Variants in KCNQ1 observed in about 807,000 individuals in gnomAD.
KCNQ1 encodes the protein potassium voltage-gated channel subfamily KQT member 1.
A neutral mutation model predicts 72.4 loss-of-function variants in KCNQ1; 49 were observed. That is an observed-to-expected ratio of 0.68 (90% confidence interval 0.54 to 0.86). KCNQ1 has a LOEUF of 0.86. KCNQ1 is among the 40% of genes least tolerant of loss of function. The pLI is 0.00. For synonymous variants in KCNQ1, 450 were observed against 412.6 expected, an observed-to-expected ratio of 1.09 and a Z score of -1.10; for missense variants, 790 against 945.1, an observed-to-expected ratio of 0.84 and a Z score of 2.15.
chr11:2,672,075 C>G (rs1027937266), intron 11 of KCNQ1: 3 of 398,598 alleles, frequency 7.5e-6, no homozygotes, highest in Admixed American at 4.4e-5. Context: ...GGTCCCTGGT[C>G]TGGACTGAGC....
chr11:2,699,877 C>CG (rs1850763672), intron 11 of KCNQ1: 1 of 396,564 alleles, frequency 2.5e-6, no homozygotes, highest in African/African-American at 2.1e-5. Flanking sequence ...TGCTGAGGAG[C>CG]CCCGGGGAGG....
chr11:2,461,773 G>A, intron 1 of KCNQ1: 3 of 1,325,640 alleles, frequency 2.3e-6, no homozygotes, highest in Non-Finnish European at 3.0e-6. Context: ...TGGATGGGGG[G>A]CTGAATTGTG....
At chr11:2,675,022 TGCCAGA>T (rs1410727688) in intron 11 of KCNQ1, 4 of 398,596 alleles carry the variant, frequency 1.0e-5, no homozygotes, top group Non-Finnish European at 1.8e-5. Flanking sequence ...CTGACTTCTC[TGCCAGA>T]GCCCAGGTGG....
At chr11:2,459,781 G>C (rs542893100) in intron 1 of KCNQ1, among the ~76,000 whole-genome samples, 1 of 152,060 alleles carries the variant, frequency 6.6e-6, no homozygotes, top group African/African-American at 2.4e-5. Flanking sequence ...GAATGGAGTC[G>C]TGAAATCAGG....
Position 2,507,763 on chromosome 11 carries a change from G to A in KCNQ1, c.387-20165G>A, listed in dbSNP as rs1847128444. 6.6e-6 allele frequency among the ~76,000 whole-genome samples: 1 copy of A among 152,056 alleles called. No homozygotes were observed. The highest frequency in any genetic ancestry group is 2.4e-5 in the African/African-American group (1 of 41,380). ...TGACATGAGCGCAGGGGCTAGACAG[G>A]GCCTCCTGTAGCCTGGGTGGGTGGA... On this transcript the variant is annotated intron_variant, in intron 1 of 15. Coordinates refer to ENST00000155840, the MANE Select transcript of KCNQ1 (RefSeq NM_000218.3). The surrounding 1 kb of genome is among the most constrained non-coding windows in gnomAD (Gnocchi z 5.4).
chr11:2,670,744 G>A lies in KCNQ1; in HGVS notation c.1514+8663G>A, dbSNP rs1178162096. On this transcript the variant is annotated intron_variant, in intron 11 of 15. Coordinates refer to ENST00000155840, the MANE Select transcript of KCNQ1 (RefSeq NM_000218.3). This position sits in a 1 kb window ranked among gnomAD's most constrained non-coding sequence, Gnocchi z 4.9. ...AGGGAACAGTCTGCAGATATTATCT[G>A]GGCACTGGCCAGTGGCTCTTGTGGC... The A allele has an allele frequency of 1.0e-5, 4 of 398,410 alleles. No individual in the cohort carries two copies. The highest frequency in any genetic ancestry group is 1.8e-5 in the Non-Finnish European group (4 of 226,066). 24.7% of individuals were successfully genotyped at this position (398,410 alleles called of 1,614,324 possible). A position where few individuals can be genotyped will look rare whatever the true frequency, so the allele number is the denominator to read the frequency against.
chr11:2,693,044 G>C (rs1354108483), intron 11 of KCNQ1: 1 of 398,526 alleles, frequency 2.5e-6, no homozygotes, highest in East Asian at 3.6e-5. Context: ...TCTGGAGCAG[G>C]GGGAGAGAAA....
At chr11:2,706,392 G>C (rs1393988490) in intron 11 of KCNQ1, among the ~76,000 whole-genome samples, 7 of 152,190 alleles carry the variant, frequency 4.6e-5, no homozygotes, top group African/African-American at 1.7e-4. Flanking sequence ...TATGAGCTTG[G>C]GAGTGGATCC....
At position 2,600,269 on chromosome 11, in the gene KCNQ1, T is replaced by C. The variant is rs991643210; in HGVS notation, c.1393+11415T>C. Among the ~76,000 whole-genome samples, 1 of 152,216 alleles carries C rather than the reference T, an allele frequency of 6.6e-6. No individual in the cohort carries two copies. Among genetic ancestry groups the C allele is most frequent in the Non-Finnish European group, 1.5e-5 (1 of 68,038 alleles). On this transcript the variant is annotated intron_variant, in intron 10 of 15. Coordinates refer to ENST00000155840, the MANE Select transcript of KCNQ1 (RefSeq NM_000218.3). This position sits in a 1 kb window ranked among gnomAD's most constrained non-coding sequence, Gnocchi z 5.6. ...CCCTGGAGGGCAAAATTGCCCCCAG[T>C]TGTGACCTGCTGAGCTAAAGCAGTC...
At position 2,723,652 on chromosome 11, in the gene KCNQ1, C is replaced by T. The variant is rs935447038; in HGVS notation, c.1515-45192C>T. Among the ~76,000 whole-genome samples, 3 of 152,228 alleles carry T rather than the reference C, an allele frequency of 2.0e-5. No homozygotes were observed. The highest frequency in any genetic ancestry group is 4.8e-5 in the African/African-American group (2 of 41,462). On this transcript the variant is annotated intron_variant, in intron 11 of 15. Coordinates refer to ENST00000155840, the MANE Select transcript of KCNQ1 (RefSeq NM_000218.3). This position sits in a 1 kb window ranked among gnomAD's most constrained non-coding sequence, Gnocchi z 4.2. ...ACAGCCTCGAATCCCTCACACCTAG[C>T]GGTTGGCTGGGCAGGTGGACTGGTC...
In KCNQ1 at chr11:2,550,232, G is replaced by A. The variant is rs116214095; in HGVS notation, c.478-20396G>A. Among the ~76,000 whole-genome samples, 1,295 of 152,340 alleles carry A rather than the reference G, an allele frequency of 8.5e-3. 16 individuals carry two copies. Among genetic ancestry groups the A allele is most frequent in the African/African-American group, 0.025 (1,059 of 41,580 alleles). ...GTTGCCGGGACTGGGCCGTGTGCCTGGAGTTTGAACTTTTCTGATCACGGG... is the reference window on the plus strand; with the variant it reads ...GTTGCCGGGACTGGGCCGTGTGCCTAGAGTTTGAACTTTTCTGATCACGGG... On this transcript the variant is annotated intron_variant, in intron 2 of 15. Coordinates refer to ENST00000155840, the MANE Select transcript of KCNQ1 (RefSeq NM_000218.3). This position sits in a 1 kb window ranked among gnomAD's most constrained non-coding sequence, Gnocchi z 6.0.
Position 2,661,866 on chromosome 11 carries a change from T to TCCTCA in KCNQ1, c.1394-91_1394-87dup. ...TGGAGCTTCCAGGCACAAGCTCCAC[T>TCCTCA]CCTCACCTGGCCCTGGGAGCTCACA... On this transcript the variant is annotated intron_variant, in intron 10 of 15. Coordinates refer to ENST00000155840, the MANE Select transcript of KCNQ1 (RefSeq NM_000218.3). This position sits in a 1 kb window ranked among gnomAD's most constrained non-coding sequence, Gnocchi z 5.9. 6.7e-7 allele frequency: 1 copy of TCCTCA among 1,498,464 alleles called. No homozygotes were observed. Among genetic ancestry groups the TCCTCA allele is most frequent in the Non-Finnish European group, 9.3e-7 (1 of 1,078,356 alleles). The allele number at this position is 1,498,464 out of a possible 1,614,324, so 92.8% of individuals were successfully genotyped here. A position where few individuals can be genotyped will look rare whatever the true frequency, so the allele number is the denominator to read the frequency against.
At chr11:2,733,597 G>C (rs942839281) in intron 11 of KCNQ1, among the ~76,000 whole-genome samples, 4 of 152,040 alleles carry the variant, frequency 2.6e-5, no homozygotes, top group Admixed American at 2.6e-4. Flanking sequence ...CTCCTAGGGA[G>C]ACAGTCGGGC....
chr11:2,743,252 C>T (rs1412290014), intron 11 of KCNQ1, among the ~76,000 whole-genome samples: 1 of 152,036 alleles, frequency 6.6e-6, no homozygotes, highest in Non-Finnish European at 1.5e-5. Flanking sequence ...TCATTGACTC[C>T]GAGGGTCTTC....
At chr11:2,616,970 T>G (rs1164008900) in intron 10 of KCNQ1, 5 of 398,136 alleles carry the variant, frequency 1.3e-5, no homozygotes, top group Non-Finnish European at 2.2e-5. Flanking sequence ...TGTGTTTTTT[T>G]TTTTTAATTT....
intron 11 of KCNQ1, among the ~76,000 whole-genome samples, chr11:2,744,695 G>A (rs1164345053): frequency 6.6e-6 from 1 of 152,212 alleles, no homozygotes; most frequent in Non-Finnish European, 1.5e-5. Flanking sequence ...AAATTACGGT[G>A]TACCGAATGC....
Position 2,677,705 on chromosome 11 carries a change from C to T in KCNQ1, c.1514+15624C>T, listed in dbSNP as rs1377956542. On this transcript the variant is annotated intron_variant, in intron 11 of 15. Coordinates refer to ENST00000155840, the MANE Select transcript of KCNQ1 (RefSeq NM_000218.3). The surrounding 1 kb of genome is among the most constrained non-coding windows in gnomAD (Gnocchi z 4.5). ...CTACTGTTATTTTTCAAATTAACTT[C>T]CCAATCAAATATCTCTATTGTAAAA... is the stretch of plus-strand genomic sequence containing the variant. 1 of 398,320 alleles carries T rather than the reference C, an allele frequency of 2.5e-6. No homozygotes were observed. The highest frequency in any genetic ancestry group is 4.4e-6 in the Non-Finnish European group (1 of 226,012). The allele number at this position is 398,320 out of a possible 1,614,324, so 24.7% of individuals were successfully genotyped here.
In KCNQ1 at chr11:2,623,845, A is replaced by G. The variant is rs1190538811; in HGVS notation, c.1393+34991A>G. 2.5e-6 allele frequency: 1 copy of G among 398,454 alleles called. No homozygotes were observed. The highest frequency in any genetic ancestry group is 4.4e-5 in the Admixed American group (1 of 22,716). The allele number at this position is 398,454 out of a possible 1,614,324, so 24.7% of individuals were successfully genotyped here. On this transcript the variant is annotated intron_variant, in intron 10 of 15. Coordinates refer to ENST00000155840, the MANE Select transcript of KCNQ1 (RefSeq NM_000218.3). This position sits in a 1 kb window ranked among gnomAD's most constrained non-coding sequence, Gnocchi z 5.2. ...TGTTTAATTTTATAAGAAACCACTG[A>G]TTTCGATATACTCTGGATTCTTCGG...
chr11:2,675,843 A>G (rs1850284118), intron 11 of KCNQ1: 6 of 398,598 alleles, frequency 1.5e-5, no homozygotes, highest in Non-Finnish European at 2.7e-5. Flanking sequence ...CCGTGCATCC[A>G]CTGCCTGGCC....
Sources: gnomAD v4.1 joint callset for allele counts (sites outside exome capture counted in the v4.1 genomes callset) on GRCh38, gnomAD v4.1.1 for gene constraint, Gnocchi (gnomAD v3.1) non-coding constraint, MANE v1.5 for transcripts, NCBI Gene and HGNC (gene_info 2026-07-23, HGNC 2026-07-21) for gene names.